FBXO42: variants seen among roughly 807,000 people sequenced by gnomAD.
FBXO42 encodes the protein F-box only protein 42.
Under a neutral mutation model 71.7 loss-of-function variants are expected in FBXO42, and 12 were observed. The ratio of observed to expected loss-of-function variants is 0.17; its 90% CI spans 0.11 to 0.27. The LOEUF is 0.27. Ranked by LOEUF, FBXO42 falls within the 10% of genes least tolerant of loss-of-function variation. The pLI, the probability that FBXO42 is intolerant of heterozygous loss-of-function variation, is 1.00. For synonymous variants in FBXO42, 325 were observed against 327.5 expected (o/e 0.99, Z 0.08); for missense variants, 707 against 911.9 (o/e 0.78, Z 2.89).
chr1:16,277,411 C>A lies in FBXO42; in HGVS notation c.502+17372G>T, dbSNP rs867348210. On this transcript the variant is annotated intron_variant, in intron 4 of 9. Transcript: ENST00000375592. The stretch of plus-strand genomic sequence containing the variant: ...TTTTTTCTCCTCCCTGCCCCCACTA[C>A]TAATATATTATTTTTAAAAATTCCA... 3.2e-4 allele frequency among the ~76,000 whole-genome samples: 49 copies of A among 151,916 alleles called. No individual in the cohort carries two copies. In the Middle Eastern group the frequency reaches 0.01, roughly 32 times the overall value.
intron 3 of FBXO42, 70 bp downstream of exon 3, chr1:16,305,733 T>C (rs1236925019): frequency 8.4e-6 from 11 of 1,305,910 alleles, no homozygotes; most frequent in South Asian, 5.9e-5. Flanking sequence ...CAAAAAAACA[T>C]GCCACCAAAC....
chr1:16,315,503 C>T (rs2082355247), intron 1 of FBXO42, 68 bp from the exon 2 acceptor site: 2 of 1,471,536 alleles, frequency 1.4e-6, no homozygotes, highest in Admixed American at 2.1e-5. Flanking sequence ...CAGGCATGTA[C>T]ATCCAAGCTC....
Position 16,252,984 on chromosome 1 carries a change from A to C in FBXO42, c.921+112T>G, listed in dbSNP as rs1166927922. 2.2e-6 allele frequency: 2 copies of C among 924,592 alleles called. No individual in the cohort carries two copies. Among genetic ancestry groups the C allele is most frequent in the African/African-American group, 1.7e-5 (1 of 58,338 alleles). The allele number at this position is 924,592 out of a possible 1,614,324, so 57.3% of individuals were successfully genotyped here. On this transcript the variant is annotated intron_variant, in intron 8 of 9. Transcript: ENST00000375592. The surrounding 1 kb of genome is among the most constrained non-coding windows in gnomAD (Gnocchi z 4.4). ...GGCTATACCCAAAAAGCATTCCTTAAATTAAAATGCCATGGAAATAGTCTT... is the reference window on the plus strand; with the variant it reads ...GGCTATACCCAAAAAGCATTCCTTACATTAAAATGCCATGGAAATAGTCTT...
Position 16,248,355 on chromosome 1 carries a change from A to C in FBXO42, c.*2315T>G, listed in dbSNP as rs2081555850. 1 of 152,210 alleles carries C rather than the reference A, an allele frequency of 6.6e-6. No homozygotes were observed. The highest frequency in any genetic ancestry group is 1.5e-5 in the Non-Finnish European group (1 of 68,030). The allele number at this position is 152,210 out of a possible 1,614,324, so 9.4% of individuals were successfully genotyped here. On this transcript the variant is annotated 3_prime_UTR_variant, in exon 10 of 10. Transcript: ENST00000375592. ...AGCTGTAAGCAAACAGTCTGGTTCC[A>C]GGCAGTATGCGTCAAACTGGAATTC...
At chr1:16,309,548 A>C (rs12132841) in intron 2 of FBXO42, among the ~76,000 whole-genome samples, 1 of 151,974 alleles carries the variant, frequency 6.6e-6, no homozygotes, top group Non-Finnish European at 1.5e-5. Flanking sequence ...AAAATCTAGA[A>C]GACCTTGACT....
chr1:16,287,618 G>A (rs2082035602), intron 4 of FBXO42, among the ~76,000 whole-genome samples: 1 of 152,160 alleles, frequency 6.6e-6, no homozygotes, highest in Non-Finnish European at 1.5e-5. Context: ...GTAGAGATGG[G>A]CTCTTGCTAT....
chr1:16,320,161 A>T (rs988122788), intron 1 of FBXO42, among the ~76,000 whole-genome samples: 1 of 151,928 alleles, frequency 6.6e-6, no homozygotes, highest in Non-Finnish European at 1.5e-5. Context: ...GGAGTTCAAG[A>T]CCAGCCTGGC....
chr1:16,262,449 G>A (rs1569821063), intron 4 of FBXO42, among the ~76,000 whole-genome samples: 1 of 152,210 alleles, frequency 6.6e-6, no homozygotes, highest in Non-Finnish European at 1.5e-5. Context: ...GCTCAAGCCT[G>A]TAATCCTAGC....
intron 2 of FBXO42, among the ~76,000 whole-genome samples, chr1:16,311,499 A>AT (rs1553153690): frequency 0.025 from 1,734 of 68,256 alleles, 16 homozygotes; most frequent in African/African-American, 0.083. Flanking sequence ...AAAAAAAAAA[A>AT]AAAAATATAT....
At chr1:16,325,768 G>A (rs577961928) in intron 1 of FBXO42, among the ~76,000 whole-genome samples, 57 of 151,980 alleles carry the variant, frequency 3.8e-4, no homozygotes, top group Non-Finnish European at 6.6e-4. Flanking sequence ...TGGGATTATA[G>A]GCATGCGTCA....
intron 1 of FBXO42, among the ~76,000 whole-genome samples, chr1:16,320,510 T>C (rs960803243): frequency 6.6e-6 from 1 of 152,096 alleles, no homozygotes; most frequent in Non-Finnish European, 1.5e-5. Flanking sequence ...TTTTTTGTTT[T>C]ATTATTTTTT....
At chr1:16,317,051 C>T (rs1291936977) in intron 1 of FBXO42, among the ~76,000 whole-genome samples, 1 of 151,902 alleles carries the variant, frequency 6.6e-6, no homozygotes, top group African/African-American at 2.4e-5. Flanking sequence ...GAGGCTGAGG[C>T]GGGCGGATCA....
At chr1:16,281,769 G>A (rs1405904502) in intron 4 of FBXO42, among the ~76,000 whole-genome samples, 1 of 151,224 alleles carries the variant, frequency 6.6e-6, no homozygotes, top group Non-Finnish European at 1.5e-5. Flanking sequence ...CGATTCTCCT[G>A]CCTCAGCCTC....
At chr1:16,352,196 C>A (rs1298775277) in intron 1 of FBXO42, 59 bp downstream of exon 1, 8 of 392,080 alleles carry the variant, frequency 2.0e-5, no homozygotes, top group Non-Finnish European at 3.6e-5. Flanking sequence ...CAGTCCCGGG[C>A]ATAAAGGGCA....
chr1:16,315,574 T>C, intron 1 of FBXO42, 139 bp from the exon 2 acceptor site: 1 of 750,920 alleles, frequency 1.3e-6, no homozygotes, highest in East Asian at 2.8e-5. Flanking sequence ...CCAATACCAC[T>C]TGTGAGCCAC....
At chr1:16,310,345 A>G (rs1393693796) in intron 2 of FBXO42, among the ~76,000 whole-genome samples, 2 of 151,402 alleles carry the variant, frequency 1.3e-5, no homozygotes, top group African/African-American at 2.4e-5. Flanking sequence ...TGGGTGATGG[A>G]GTGAGGTTCC....
At chr1:16,285,990 T>C (rs1355262005) in intron 4 of FBXO42, among the ~76,000 whole-genome samples, 1 of 152,078 alleles carries the variant, frequency 6.6e-6, no homozygotes, top group Non-Finnish European at 1.5e-5. Context: ...CCCTCACCCC[T>C]GCCCGCCTGC....
At chr1:16,283,375 C>T (rs1488185425) in intron 4 of FBXO42, among the ~76,000 whole-genome samples, 1 of 151,458 alleles carries the variant, frequency 6.6e-6, no homozygotes, top group African/African-American at 2.4e-5. Flanking sequence ...TTGGGAAAGA[C>T]AATTCTGTGG....
intron 4 of FBXO42, among the ~76,000 whole-genome samples, chr1:16,259,447 G>T (rs967412001): frequency 2.0e-5 from 3 of 152,264 alleles, no homozygotes; most frequent in East Asian, 1.9e-4. Context: ...TGGGCTTAAA[G>T]AAATTATAAA....
Sources: gnomAD v4.1 joint callset for allele counts (sites outside exome capture counted in the v4.1 genomes callset) on GRCh38, gnomAD v4.1.1 for gene constraint, Gnocchi (gnomAD v3.1) non-coding constraint, MANE v1.5 for transcripts, NCBI Gene and HGNC (gene_info 2026-07-23, HGNC 2026-07-21) for gene names.